KAZN: variants seen among roughly 807,000 people sequenced by gnomAD.
The protein encoded by KAZN is kazrin, periplakin interacting protein.
In KAZN, 40 loss-of-function variants were observed where a neutral mutation model predicts 87.4. That is an observed-to-expected ratio of 0.46 (90% CI 0.36 to 0.60). The LOEUF is 0.60. KAZN is among the 20% of genes least tolerant of loss of function. The pLI is 0.00. For missense variants in KAZN, 898 were observed against 1,073.9 expected, an observed-to-expected ratio of 0.84 and a Z score of 2.29; for synonymous variants, 466 against 458.3, an observed-to-expected ratio of 1.02 and a Z score of -0.22.
intron 1 of KAZN, among the ~76,000 whole-genome samples, chr1:14,012,260 C>A (rs2101196534): frequency 6.6e-6 from 1 of 152,288 alleles, no homozygotes; most frequent in South Asian, 2.1e-4. Context: ...GTTACATATG[C>A]CTCATGGTAT....
intron 1 of KAZN, among the ~76,000 whole-genome samples, chr1:14,944,038 C>T (rs1177849820): frequency 3.9e-5 from 6 of 152,108 alleles, no homozygotes; most frequent in African/African-American, 1.2e-4. Context: ...CTCACTACTG[C>T]ACTCCAGCCT....
At chr1:14,918,810 G>A (rs1203178865) in intron 1 of KAZN, among the ~76,000 whole-genome samples, 1 of 146,290 alleles carries the variant, frequency 6.8e-6, no homozygotes, top group Non-Finnish European at 1.5e-5. Context: ...GAAGTAGATT[G>A]TCCCTAGGTT....
chr1:14,128,062 A>G (rs779390326), intron 1 of KAZN, among the ~76,000 whole-genome samples: 17 of 152,152 alleles, frequency 1.1e-4, no homozygotes, highest in Admixed American at 2.0e-4. Flanking sequence ...ATTGGAGTAG[A>G]AAAGTCCAAG....
At chr1:13,939,012 G>A (rs868824531) in intron 1 of KAZN, among the ~76,000 whole-genome samples, 8 of 152,200 alleles carry the variant, frequency 5.3e-5, no homozygotes, top group Admixed American at 5.2e-4. Context: ...CCTCTGCCTT[G>A]TGATCTCCAG....
At chr1:15,032,349 C>T (rs1326191781) in intron 2 of KAZN, among the ~76,000 whole-genome samples, 2 of 151,798 alleles carry the variant, frequency 1.3e-5, no homozygotes, top group South Asian at 2.1e-4. Flanking sequence ...CCTGCCACTA[C>T]GCCCGGCTAA....
chr1:14,519,918 A>G (rs543689382), intron 2 of KAZN, among the ~76,000 whole-genome samples: 8 of 152,070 alleles, frequency 5.3e-5, no homozygotes, highest in Non-Finnish European at 1.0e-4. Context: ...GTCCTCAGGC[A>G]CCCAGAGGGC....
intron 1 of KAZN, among the ~76,000 whole-genome samples, chr1:14,125,058 A>T (rs945907541): frequency 6.6e-6 from 1 of 152,148 alleles, no homozygotes; most frequent in Non-Finnish European, 1.5e-5. Flanking sequence ...ATCCACGGGC[A>T]TGTCTCCCAG....
At chr1:14,643,976 A>G (rs1230286059) in intron 1 of KAZN, among the ~76,000 whole-genome samples, 1 of 150,894 alleles carries the variant, frequency 6.6e-6, no homozygotes, top group Non-Finnish European at 1.5e-5. Context: ...TTCTTTTGAA[A>G]AATGTCTATT....
chr1:14,905,517 G>A (rs1275667544), intron 1 of KAZN, among the ~76,000 whole-genome samples: 1 of 152,212 alleles, frequency 6.6e-6, no homozygotes, highest in African/African-American at 2.4e-5. Context: ...TAATGAGGAT[G>A]AACCAAATAT....
chr1:14,762,803 G>A (rs1053733443), intron 1 of KAZN, among the ~76,000 whole-genome samples: 2 of 152,082 alleles, frequency 1.3e-5, no homozygotes, highest in Admixed American at 6.5e-5. Context: ...TGGGCCAGAC[G>A]GAGGCAGGCT....
chr1:14,317,458 T>TTCTAAAAAATTA (rs1655730877), intron 2 of KAZN, among the ~76,000 whole-genome samples: 1 of 151,980 alleles, frequency 6.6e-6, no homozygotes, highest in Non-Finnish European at 1.5e-5. Context: ...AATTGGTTCT[T>TTCTAAAAAATTA]GCTTTCTAAA....
At chr1:14,548,844 C>T (rs12035428) in intron 2 of KAZN, among the ~76,000 whole-genome samples, 75,478 of 152,040 alleles carry the variant, frequency 0.5, 19,188 homozygotes, top group South Asian at 0.6. Flanking sequence ...TACACAGGCA[C>T]GGAATTGTTG....
At chr1:13,908,662 C>T (rs1639534795) in intron 1 of KAZN, among the ~76,000 whole-genome samples, 1 of 152,216 alleles carries the variant, frequency 6.6e-6, no homozygotes, top group African/African-American at 2.4e-5. Context: ...ACGAACTGGG[C>T]ATTGCAGAAG....
chr1:14,316,885 G>A (rs543555488), intron 2 of KAZN, among the ~76,000 whole-genome samples: 1 of 151,412 alleles, frequency 6.6e-6, no homozygotes, highest in East Asian at 1.9e-4. Flanking sequence ...CCATAGTGGT[G>A]AAAAAACAGT....
At chr1:14,177,634 A>G (rs1275371140) in intron 1 of KAZN, among the ~76,000 whole-genome samples, 1 of 152,068 alleles carries the variant, frequency 6.6e-6, no homozygotes, top group African/African-American at 2.4e-5. Context: ...GAAGGCTGAC[A>G]TTGTTTTTTG....
chr1:14,867,244 C>T (rs1335797408), intron 1 of KAZN, among the ~76,000 whole-genome samples: 1 of 152,168 alleles, frequency 6.6e-6, no homozygotes, highest in East Asian at 1.9e-4. Flanking sequence ...TCCTCTTTTG[C>T]CTTGAAGGTC....
chr1:14,942,190 T>G (rs1661155478), intron 1 of KAZN, among the ~76,000 whole-genome samples: 1 of 152,160 alleles, frequency 6.6e-6, no homozygotes, highest in South Asian at 2.1e-4. Flanking sequence ...GCTTTACACC[T>G]CCCACCCCTG....
chr1:14,613,782 A>G (rs891626916), intron 1 of KAZN, among the ~76,000 whole-genome samples: 2 of 152,152 alleles, frequency 1.3e-5, no homozygotes, highest in African/African-American at 4.8e-5. Flanking sequence ...TTGGGCCCGG[A>G]TCAGTGCAGT....
intron 1 of KAZN, among the ~76,000 whole-genome samples, chr1:14,666,426 G>T (rs903072728): frequency 6.6e-6 from 1 of 152,192 alleles, no homozygotes; most frequent in Non-Finnish European, 1.5e-5. Context: ...GGTTTTCAAG[G>T]AGGGAAACCA....
Sources: gnomAD v4.1 joint callset for allele counts (sites outside exome capture counted in the v4.1 genomes callset) on GRCh38, gnomAD v4.1.1 for gene constraint, MANE v1.5 for transcripts, NCBI Gene and HGNC (gene_info 2026-07-23, HGNC 2026-07-21) for gene names.